SNX29: variants seen among roughly 807,000 people sequenced by gnomAD.
SNX29 encodes sorting nexin 29.
SNX29 carries 78 observed loss-of-function variants against 102.1 expected under a neutral mutation model. That is an observed-to-expected ratio of 0.76 (90% confidence interval 0.64 to 0.92). SNX29 has a LOEUF of 0.92. Among genes scored for constraint, SNX29 ranks in the 40% least tolerant of loss-of-function variants. SNX29 has a pLI of 0.00. For missense variants in SNX29, 1,280 were observed against 1,061.7 expected, an observed-to-expected ratio of 1.21 and a Z score of -2.86; for synonymous variants, 580 against 414.5, an observed-to-expected ratio of 1.40 and a Z score of -4.85.
chr16:12,068,975 A>C, intron 9 of SNX29, 82 bp from the exon 10 acceptor site: 2 of 1,325,734 alleles, frequency 1.5e-6, no homozygotes, highest in South Asian at 2.6e-5. Flanking sequence ...CAGATGAGCC[A>C]ATGTCTGCAT....
At chr16:12,006,510 G>A (rs1362354822) in intron 3 of SNX29, among the ~76,000 whole-genome samples, 4 of 134,786 alleles carry the variant, frequency 3.0e-5, no homozygotes, top group African/African-American at 1.1e-4. Context: ...GAGCGATACT[G>A]TCTCAGAAAA....
At chr16:12,471,116 G>A (rs530643936) in intron 18 of SNX29, among the ~76,000 whole-genome samples, 17 of 152,148 alleles carry the variant, frequency 1.1e-4, no homozygotes, top group Non-Finnish European at 2.1e-4. Flanking sequence ...GGCTAAAGAC[G>A]CCCGTTCCTA....
At chr16:12,267,520 C>T (rs1000000671) in intron 14 of SNX29, among the ~76,000 whole-genome samples, 9 of 152,146 alleles carry the variant, frequency 5.9e-5, no homozygotes, top group Non-Finnish European at 8.8e-5. Context: ...GCAGTAGCCC[C>T]TTAGCACCTT....
intron 20 of SNX29, among the ~76,000 whole-genome samples, chr16:12,566,309 T>G (rs984718949): frequency 4.6e-5 from 7 of 152,138 alleles, no homozygotes; most frequent in Non-Finnish European, 8.8e-5. Context: ...GCCTCCAAGC[T>G]ATGTCCTCTC....
intron 3 of SNX29, among the ~76,000 whole-genome samples, chr16:12,018,244 T>C (rs886845722): frequency 3.9e-5 from 6 of 152,196 alleles, no homozygotes; most frequent in African/African-American, 1.4e-4. Context: ...CAAAATTTTA[T>C]GTTTTTCTTC....
chr16:12,508,931 T>C (rs930265539), intron 19 of SNX29, among the ~76,000 whole-genome samples: 4 of 152,114 alleles, frequency 2.6e-5, no homozygotes, highest in South Asian at 2.1e-4. Context: ...ATAATACTTA[T>C]CTCCTTTGAG....
chr16:12,400,819 C>T (rs2083909892), intron 17 of SNX29, among the ~76,000 whole-genome samples: 1 of 151,660 alleles, frequency 6.6e-6, no homozygotes, highest in Admixed American at 6.6e-5. Flanking sequence ...ACCTCACTTT[C>T]ATTTATTTAT....
chr16:12,027,026 C>G (rs958297124), intron 3 of SNX29, among the ~76,000 whole-genome samples: 2 of 152,210 alleles, frequency 1.3e-5, no homozygotes, highest in Non-Finnish European at 2.9e-5. Flanking sequence ...TCTGCACCCC[C>G]GCCAGCTGGC....
At chr16:12,183,990 A>T (rs1223589487) in intron 13 of SNX29, among the ~76,000 whole-genome samples, 1 of 152,252 alleles carries the variant, frequency 6.6e-6, no homozygotes, top group African/African-American at 2.4e-5. Context: ...TTATCAAAAA[A>T]TAACCATGAC....
chr16:12,365,324 ATTTGTGTGTGTG>A (rs2151349609), intron 16 of SNX29, among the ~76,000 whole-genome samples: 1 of 74,072 alleles, frequency 1.4e-5, no homozygotes, highest in South Asian at 4.3e-4. Flanking sequence ...ATACATCAGG[ATTTGTGTGTGTG>A]TGTGTGTGTG....
At chr16:12,090,105 T>C (rs1341164001) in intron 11 of SNX29, 1 of 155,648 alleles carries the variant, frequency 6.4e-6, no homozygotes, top group Non-Finnish European at 1.4e-5. Context: ...AGTCCTGGCT[T>C]CCAGCCTCAG....
At chr16:12,299,625 C>T (rs1030064571) in intron 15 of SNX29, among the ~76,000 whole-genome samples, 1 of 152,082 alleles carries the variant, frequency 6.6e-6, no homozygotes, top group African/African-American at 2.4e-5. Flanking sequence ...ACTGGGTTGG[C>T]TATTGTTTCT....
At chr16:12,136,150 G>A (rs1026105487) in intron 13 of SNX29, among the ~76,000 whole-genome samples, 1 of 152,238 alleles carries the variant, frequency 6.6e-6, no homozygotes, top group Non-Finnish European at 1.5e-5. Flanking sequence ...ACATGAACAT[G>A]TTGTCAGTGG....
intron 15 of SNX29, among the ~76,000 whole-genome samples, chr16:12,348,329 A>G (rs182616134): frequency 2.0e-4 from 30 of 152,188 alleles, no homozygotes; most frequent in Non-Finnish European, 1.6e-4. Flanking sequence ...GGCTTACCCT[A>G]GCTGCTGGGG....
intron 15 of SNX29, among the ~76,000 whole-genome samples, chr16:12,326,881 T>A (rs2081137045): frequency 6.6e-6 from 1 of 152,156 alleles, no homozygotes; most frequent in Non-Finnish European, 1.5e-5. Flanking sequence ...TGGAACGTGG[T>A]GCTTTTTATT....
chr16:12,212,356 G>A (rs566373874), intron 14 of SNX29, among the ~76,000 whole-genome samples: 58 of 152,274 alleles, frequency 3.8e-4, no homozygotes, highest in African/African-American at 1.4e-3. Context: ...CAGGAGCAGG[G>A]CTGTGTGTAG....
rs79948200 is a variant in SNX29 at position 12,329,639 on chromosome 16, AC to A, written c.1783-26522del. ...TATGCAATAAACAGGAGTGTGTATT[AC>A]CTTCGTGTCTATCCATGCCAGCTGC... is the stretch of plus-strand genomic sequence containing the variant. On this transcript the variant is annotated intron_variant, in intron 15 of 20. Transcript: ENST00000566228. 5.4e-3 allele frequency among the ~76,000 whole-genome samples: 821 copies of A among 152,272 alleles called. 53 individuals are homozygous for A. The East Asian group carries it at 0.13, about 24-fold the overall frequency.
intron 20 of SNX29, among the ~76,000 whole-genome samples, chr16:12,553,236 T>C (rs117998243): frequency 1.3e-5 from 2 of 152,206 alleles, no homozygotes; most frequent in Non-Finnish European, 2.9e-5. Flanking sequence ...GACTTGAGAA[T>C]ACAGAGAGAG....
At chr16:12,140,066 T>C (rs1018398585) in intron 13 of SNX29, among the ~76,000 whole-genome samples, 2 of 147,902 alleles carry the variant, frequency 1.4e-5, no homozygotes, top group African/African-American at 5.0e-5. Flanking sequence ...CTAAACTGCC[T>C]AAGAAAAAGA....
Sources: gnomAD v4.1 joint callset for allele counts (sites outside exome capture counted in the v4.1 genomes callset) on GRCh38, gnomAD v4.1.1 for gene constraint, MANE v1.5 for transcripts, NCBI Gene and HGNC (gene_info 2026-07-23, HGNC 2026-07-21) for gene names.